OR10J1: variants seen among roughly 807,000 people sequenced by gnomAD.
OR10J1 encodes olfactory receptor 10J1.
For missense variants in OR10J1, 474 were observed against 376.6 expected (o/e 1.26, Z -2.14); for synonymous variants, 202 against 143.8 (o/e 1.40, Z -2.89).
chr1:159,412,743 A>T, the OR10J1 span, among the ~76,000 whole-genome samples: 1 of 152,010 alleles, frequency 6.6e-6, no homozygotes, highest in South Asian at 2.1e-4. Context: ...CCTAGAAGAA[A>T]ACCTAGGCGT....
chr1:159,435,823 A>G (rs1376996802), upstream of OR10J1, among the ~76,000 whole-genome samples: 2 of 152,138 alleles, frequency 1.3e-5, no homozygotes, highest in Non-Finnish European at 2.9e-5. Flanking sequence ...GAACTAGAAG[A>G]TTTTGCATTA....
At chr1:159,405,274 A>G in the OR10J1 span, 2 of 152,314 alleles carry the variant, frequency 1.3e-5, no homozygotes, top group South Asian at 2.1e-4. Flanking sequence ...GGCATCCAAC[A>G]TGAATCTTCC....
At position 159,439,982 on chromosome 1, in the gene OR10J1, G is replaced by A. The variant is rs969332923; in HGVS notation, c.191G>A (p.Ser64Asn). 1.2e-6 allele frequency: 2 copies of A among 1,614,080 alleles called. No homozygotes were observed. The highest frequency in any genetic ancestry group is 1.7e-6 in the Non-Finnish European group (2 of 1,180,028). ...HLHTPMYFFL[S>N]MLSTSETVYT... ...CACACACCCATGTACTTCTTCCTGAGCATGCTGTCCACTTCAGAGACTGTA... is the reference window on the plus strand; with the variant it reads ...CACACACCCATGTACTTCTTCCTGAACATGCTGTCCACTTCAGAGACTGTA... Residue 64 changes from serine (S) to asparagine (N), a missense_variant, in exon 1 of 1, where the codon AGC becomes AAC. By Grantham distance (46) the Ser-to-Asn change is conservative. Coordinates refer to ENST00000423932, the MANE Select transcript of OR10J1 (RefSeq NM_012351.3).
At chr1:159,417,230 C>T in the OR10J1 span, among the ~76,000 whole-genome samples, 145 of 152,220 alleles carry the variant, frequency 9.5e-4, 2 homozygotes, top group African/African-American at 2.2e-3. Flanking sequence ...ACTGCTTTTG[C>T]TGTCTCCCAC....
At chr1:159,436,615 A>G (rs1655744536), upstream of OR10J1, among the ~76,000 whole-genome samples, 1 of 151,972 alleles carries the variant, frequency 6.6e-6, no homozygotes, top group South Asian at 2.1e-4. Context: ...TTTTTCAACA[A>G]GGAAGGAAAA....
chr1:159,426,865 C>T, the OR10J1 span, among the ~76,000 whole-genome samples: 16,668 of 151,790 alleles, frequency 0.11, 1,149 homozygotes, highest in Admixed American at 0.15. Flanking sequence ...TTAATAAACA[C>T]GTGTATAGCA....
At chr1:159,418,372 T>C in the OR10J1 span, among the ~76,000 whole-genome samples, 1 of 152,114 alleles carries the variant, frequency 6.6e-6, no homozygotes, top group Non-Finnish European at 1.5e-5. Flanking sequence ...CACAGTCTAT[T>C]GGTGCCCTGA....
At chr1:159,402,465 G>C in the OR10J1 span, among the ~76,000 whole-genome samples, 10 of 151,888 alleles carry the variant, frequency 6.6e-5, no homozygotes, top group African/African-American at 2.4e-4. Flanking sequence ...TATGCCAACA[G>C]TCAAAGATGT....
At chr1:159,422,124 C>T in the OR10J1 span, among the ~76,000 whole-genome samples, 5 of 152,130 alleles carry the variant, frequency 3.3e-5, no homozygotes, top group Non-Finnish European at 7.4e-5. Context: ...GTAGTGTGCT[C>T]AGGTGCCAAA....
the OR10J1 span, among the ~76,000 whole-genome samples, chr1:159,428,085 T>C: frequency 6.6e-6 from 1 of 152,102 alleles, no homozygotes; most frequent in African/African-American, 2.4e-5. Flanking sequence ...TCATGTTTAA[T>C]GGTTAATAAA....
chr1:159,426,822 T>C, the OR10J1 span, among the ~76,000 whole-genome samples: 1 of 151,950 alleles, frequency 6.6e-6, no homozygotes, highest in Non-Finnish European at 1.5e-5. Flanking sequence ...TCTTCTCCAT[T>C]AACCTTCAAA....
chr1:159,435,129 G>T (rs560159985), upstream of OR10J1, among the ~76,000 whole-genome samples: 6 of 152,246 alleles, frequency 3.9e-5, no homozygotes, highest in East Asian at 1.2e-3. Flanking sequence ...AAGCAAAGTG[G>T]TGTCTATGTC....
chr1:159,437,612 T>A (rs114441789), upstream of OR10J1, among the ~76,000 whole-genome samples: 3,801 of 152,222 alleles, frequency 0.025, 168 homozygotes, highest in African/African-American at 0.082. Flanking sequence ...GCAAAAACTT[T>A]CCCCAGGCTC....
chr1:159,418,993 C>T, the OR10J1 span, among the ~76,000 whole-genome samples: 1 of 152,160 alleles, frequency 6.6e-6, no homozygotes, highest in Non-Finnish European at 1.5e-5. Flanking sequence ...TCATTTTGGC[C>T]AATTTATCCT....
chr1:159,440,237 G>GGA lies in OR10J1; in HGVS notation c.446_447insGA (p.Cys149TrpfsTer6). On this transcript the variant is annotated frameshift_variant, in exon 1 of 1. Coordinates refer to ENST00000423932, the MANE Select transcript of OR10J1 (RefSeq NM_012351.3). LOFTEE classifies it low-confidence loss of function (END_TRUNC). Reference sequence around the variant, plus strand: ...CGTATCCAACTTGTCCTGGGGGCCTGCAGCATTGGGCTGATTGTAGCAATA... The same window carrying GGA: ...CGTATCCAACTTGTCCTGGGGGCCTGGACAGCATTGGGCTGATTGTAGCAATA... 1 of 1,614,150 alleles carries GGA rather than the reference G, an allele frequency of 6.2e-7. No homozygotes were observed. Among genetic ancestry groups the GGA allele is most frequent in the Non-Finnish European group, 8.5e-7 (1 of 1,179,994 alleles).
the OR10J1 span, among the ~76,000 whole-genome samples, chr1:159,408,300 T>C: frequency 1.3e-5 from 2 of 151,900 alleles, no homozygotes; most frequent in Non-Finnish European, 1.5e-5. Flanking sequence ...AAATGATGAG[T>C]TCATGTCCTT....
At chr1:159,435,311 T>C (rs893774466), upstream of OR10J1, among the ~76,000 whole-genome samples, 29 of 152,238 alleles carry the variant, frequency 1.9e-4, no homozygotes, top group African/African-American at 6.5e-4. Context: ...TGCCTCAGAG[T>C]CACTGCAAGA....
At chr1:159,410,824 T>C in the OR10J1 span, among the ~76,000 whole-genome samples, 9 of 150,356 alleles carry the variant, frequency 6.0e-5, no homozygotes, top group Admixed American at 4.0e-4. Context: ...CTGCTTTCTC[T>C]TGTGGGCATT....
At chr1:159,407,624 T>C in the OR10J1 span, among the ~76,000 whole-genome samples, 2 of 152,138 alleles carry the variant, frequency 1.3e-5, no homozygotes, top group Admixed American at 6.6e-5. Flanking sequence ...ACAGAAACTG[T>C]GCATGAATAC....
Sources: gnomAD v4.1 joint callset for allele counts (sites outside exome capture counted in the v4.1 genomes callset) on GRCh38, gnomAD v4.1.1 for gene constraint, MANE v1.5 for transcripts, NCBI Gene and HGNC (gene_info 2026-07-23, HGNC 2026-07-21) for gene names.